BMPR1A: variants seen among roughly 807,000 people sequenced by gnomAD.
BMPR1A encodes the protein bone morphogenetic protein receptor type 1A.
A neutral mutation model predicts 66.0 loss-of-function variants in BMPR1A; 7 were observed. The observed-to-expected ratio is 0.11, with a 90% confidence interval of 0.06 to 0.20. BMPR1A has a LOEUF of 0.20. BMPR1A is among the 10% of genes least tolerant of loss of function. BMPR1A has a pLI of 1.00. For missense variants in BMPR1A, 408 were observed against 669.1 expected, an observed-to-expected ratio of 0.61 and a Z score of 4.31; for synonymous variants, 200 against 229.7, an observed-to-expected ratio of 0.87 and a Z score of 1.17.
At chr10:86,821,952 C>G (rs1197998321) in intron 1 of BMPR1A, among the ~76,000 whole-genome samples, 1 of 152,046 alleles carries the variant, frequency 6.6e-6, no homozygotes, top group Non-Finnish European at 1.5e-5. Context: ...AGCAGGCACG[C>G]ACCACCACAC....
In BMPR1A at chr10:86,923,483, T is replaced by A. The variant is rs1554891611; in HGVS notation, c.1450T>A (p.Ser484Thr). The A allele has an allele frequency of 6.2e-7, 1 of 1,614,242 alleles. No individual in the cohort carries two copies. The highest frequency in any genetic ancestry group is 8.5e-7 in the Non-Finnish European group (1 of 1,180,040). The change falls in exon 12 of 13, where the codon TCT becomes ACT. Residue 484 changes from serine to threonine, a missense_variant. Ser to Thr is a moderately conservative substitution (Grantham distance 58). This residue lies in a region of BMPR1A where 130 missense variants were observed against 257.3 expected (regional missense o/e 0.51). Coordinates refer to ENST00000372037, the MANE Select transcript of BMPR1A (RefSeq NM_004329.3). ...TGTCAAACGTTTGCGGCCAATTGTG[T>A]CTAATCGGTGGAACAGTGATGAAGT... is the stretch of plus-strand genomic sequence containing the variant. ...VCVKRLRPIV[S>T]NRWNSDECLR...
intron 3 of BMPR1A, among the ~76,000 whole-genome samples, chr10:86,883,777 A>C (rs907828488): frequency 3.9e-5 from 6 of 152,254 alleles, no homozygotes; most frequent in South Asian, 2.1e-4. Flanking sequence ...TTCAAAACAA[A>C]AAAAACAAAA....
At chr10:86,919,669 TA>T (rs778238635) in intron 10 of BMPR1A, among the ~76,000 whole-genome samples, 200 bp downstream of exon 10, 10 of 151,820 alleles carry the variant, frequency 6.6e-5, no homozygotes, top group South Asian at 2.1e-4. Context: ...GATATATATA[TA>T]TTTTTTTGGT....
intron 8 of BMPR1A, among the ~76,000 whole-genome samples, chr10:86,915,783 C>T (rs1843560301): frequency 6.6e-6 from 1 of 152,164 alleles, no homozygotes; most frequent in African/African-American, 2.4e-5. Context: ...CATAAAGTCA[C>T]TTTAGCTTTG....
At chr10:86,866,021 A>G (rs1252629094) in intron 2 of BMPR1A, among the ~76,000 whole-genome samples, 6 of 151,226 alleles carry the variant, frequency 4.0e-5, no homozygotes, top group East Asian at 3.9e-4. Context: ...GCTGCTGCCA[A>G]TTGAATGCCA....
intron 3 of BMPR1A, among the ~76,000 whole-genome samples, chr10:86,887,949 T>C (rs910819982): frequency 3.9e-5 from 6 of 152,046 alleles, no homozygotes; most frequent in African/African-American, 1.4e-4. Context: ...GCTCAGTGGA[T>C]TTCTTCCCTT....
At chr10:86,807,804 T>C (rs1298735595) in intron 1 of BMPR1A, among the ~76,000 whole-genome samples, 1 of 152,232 alleles carries the variant, frequency 6.6e-6, no homozygotes, top group Non-Finnish European at 1.5e-5. Context: ...TTGCACTCTG[T>C]TGCCCAGGCT....
chr10:86,907,286 G>A (rs1843409586), intron 7 of BMPR1A, among the ~76,000 whole-genome samples: 1 of 152,160 alleles, frequency 6.6e-6, no homozygotes, highest in Non-Finnish European at 1.5e-5. Flanking sequence ...GTCACAATGA[G>A]ATATCAACCT....
At chr10:86,797,473 C>T (rs1398938569) in intron 1 of BMPR1A, among the ~76,000 whole-genome samples, 4 of 151,940 alleles carry the variant, frequency 2.6e-5, no homozygotes, top group East Asian at 3.9e-4. Context: ...CCTCGTGATT[C>T]GCCCACTTCG....
At chr10:86,757,778 T>G (rs773647529) in intron 1 of BMPR1A, among the ~76,000 whole-genome samples, 1 of 152,200 alleles carries the variant, frequency 6.6e-6, no homozygotes, top group African/African-American at 2.4e-5. Flanking sequence ...CTCATTGTTT[T>G]AGGGGAAGAA....
At chr10:86,841,848 G>C (rs983494560) in intron 2 of BMPR1A, among the ~76,000 whole-genome samples, 3 of 152,164 alleles carry the variant, frequency 2.0e-5, no homozygotes, top group African/African-American at 7.2e-5. Context: ...GGTTTAATTA[G>C]TTGTGCCTAC....
At chr10:86,830,525 A>G (rs185607105) in intron 1 of BMPR1A, among the ~76,000 whole-genome samples, 1 of 152,246 alleles carries the variant, frequency 6.6e-6, no homozygotes, top group East Asian at 1.9e-4. Flanking sequence ...TTTTTATTTT[A>G]GCTGTGCCAG....
Position 86,770,992 on chromosome 10 carries a change from G to A in BMPR1A, c.-268+14073G>A, listed in dbSNP as rs184424957. Reference sequence around the variant, plus strand: ...ACCAAATCCCATTCTCTTTTTCTCCGTATGAGGCTGTCACAGTACTATAGA... The same window carrying A: ...ACCAAATCCCATTCTCTTTTTCTCCATATGAGGCTGTCACAGTACTATAGA... On this transcript the variant is annotated intron_variant, in intron 1 of 12. Transcript: ENST00000372037. 1.4e-4 allele frequency among the ~76,000 whole-genome samples: 22 copies of A among 152,126 alleles called. No homozygotes were observed. In the South Asian group the frequency reaches 3.1e-3, roughly 22 times the overall value.
chr10:86,841,647 A>G (rs892376574), intron 2 of BMPR1A, among the ~76,000 whole-genome samples: 2 of 152,180 alleles, frequency 1.3e-5, no homozygotes, highest in Admixed American at 1.3e-4. Context: ...AAACCTCTGA[A>G]GTGATGTCTT....
At chr10:86,824,423 A>G (rs931155865) in intron 1 of BMPR1A, among the ~76,000 whole-genome samples, 7 of 152,082 alleles carry the variant, frequency 4.6e-5, no homozygotes, top group Admixed American at 1.3e-4. Context: ...GCTGTACGGT[A>G]ATTAACTACC....
intron 11 of BMPR1A, among the ~76,000 whole-genome samples, chr10:86,922,690 C>T (rs1466540735): frequency 6.6e-6 from 1 of 152,232 alleles, no homozygotes; most frequent in Non-Finnish European, 1.5e-5. Flanking sequence ...AAAGTGTTCT[C>T]ATTCGGGAAA....
intron 2 of BMPR1A, among the ~76,000 whole-genome samples, chr10:86,869,771 G>T (rs1458680287): frequency 6.6e-6 from 1 of 150,422 alleles, no homozygotes; most frequent in Non-Finnish European, 1.5e-5. Context: ...AAAAAAAAAA[G>T]AATTGTTGAA....
chr10:86,844,385 A>G (rs769814774), intron 2 of BMPR1A, among the ~76,000 whole-genome samples: 2 of 152,216 alleles, frequency 1.3e-5, no homozygotes, highest in Non-Finnish European at 2.9e-5. Context: ...TTACCAAAGG[A>G]TGGTATCTTG....
chr10:86,912,147 G>C (rs1843498957), intron 7 of BMPR1A, 93 bp from the exon 8 acceptor site: 1 of 1,354,024 alleles, frequency 7.4e-7, no homozygotes. Context: ...TTCTTTCTGA[G>C]GGAAGGATAA....
Sources: allele counts gnomAD v4.1 joint callset (sites outside exome capture counted in the v4.1 genomes callset), GRCh38; gene constraint gnomAD v4.1.1; regional missense constraint gnomAD v4.1.1; transcripts MANE v1.5; gene names NCBI Gene and HGNC (gene_info 2026-07-23, HGNC 2026-07-21).